Variants in DMD observed in about 807,000 individuals in gnomAD.
The protein encoded by DMD is dystrophin.
In DMD, 63 loss-of-function variants were observed where a neutral mutation model predicts 330.1. That is an observed-to-expected ratio of 0.19 (90% confidence interval 0.16 to 0.24). DMD has a LOEUF of 0.24. Among genes scored for constraint, DMD ranks in the 10% least tolerant of loss-of-function variants. DMD has a pLI of 1.00. For synonymous variants in DMD, 1,223 were observed against 959.8 expected (o/e 1.27, Z -5.07); for missense variants, 3,344 against 2,684.1 (o/e 1.25, Z -5.43).
intron 44 of DMD, among the ~76,000 whole-genome samples, chrX:31,970,569 TA>T (rs2095390048): frequency 9.0e-6 from 1 of 110,751 alleles, no homozygotes; most frequent in African/African-American, 3.3e-5. Flanking sequence ...ATTTGGAATT[TA>T]AAGAATCGTA....
intron 1 of DMD, among the ~76,000 whole-genome samples, chrX:33,254,270 C>T (rs983573439): frequency 4.1e-5 from 4 of 97,922 alleles, no homozygotes; most frequent in South Asian, 3.8e-4. Flanking sequence ...CTTTTTGTTA[C>T]GATTTGGATG....
chrX:33,167,048 T>A (rs754828559), intron 1 of DMD, among the ~76,000 whole-genome samples: 1 of 111,275 alleles, frequency 9.0e-6, no homozygotes, highest in South Asian at 3.8e-4. Context: ...CATCTATGAA[T>A]GACACTGAAA....
rs1251691095 is a variant in DMD, at chrX:32,866,466, T to A, written c.94-16646A>T. Among the ~76,000 whole-genome samples the A allele has an allele frequency of 2.7e-5, 3 of 111,189 alleles. No individual in the cohort carries two copies. The East Asian group carries it at 8.5e-4, about 32-fold the overall frequency. On this transcript the variant is annotated intron_variant, in intron 2 of 78. Transcript: ENST00000357033. The stretch of plus-strand genomic sequence containing the variant: ...ATTATAAAGATATTTATAAAATATT[T>A]TTAAAAGAGCCCTAGGAGTTTTTAT...
In DMD at chrX:33,168,320, A is replaced by G. The variant is rs1176677483; in HGVS notation, c.31+42962T>C. On this transcript the variant is annotated intron_variant, in intron 1 of 78. Transcript: ENST00000357033. ...TATATATTTTTTAACATCAGAAAGAACGTTGGGATCCTACAATCCTGCCAA... is the reference window on the plus strand; with the variant it reads ...TATATATTTTTTAACATCAGAAAGAGCGTTGGGATCCTACAATCCTGCCAA... Among the ~76,000 whole-genome samples, 3 of 110,789 alleles carry G rather than the reference A, an allele frequency of 2.7e-5. No homozygotes were observed. The East Asian group carries it at 8.5e-4, about 31-fold the overall frequency.
rs151215287 is a variant in DMD at position 32,503,863 on chromosome X, A to T, written c.2293-2021T>A. ...TGAGCCACCGTGCCTGGCCTGAATAAAGGTTTTCTTAAAAATTTATTTTAA... is the reference window on the plus strand; with the variant it reads ...TGAGCCACCGTGCCTGGCCTGAATATAGGTTTTCTTAAAAATTTATTTTAA... On this transcript the variant is annotated intron_variant, in intron 18 of 78. Coordinates refer to ENST00000357033, the MANE Select transcript of DMD (RefSeq NM_004006.3). Among the ~76,000 whole-genome samples, 810 of 111,583 alleles carry T rather than the reference A, an allele frequency of 7.3e-3. 8 individuals are homozygous for T. Among genetic ancestry groups the T allele is most frequent in the South Asian group, 0.048 (127 of 2,641 alleles).
At chrX:32,264,762 C>T (rs773560406) in intron 43 of DMD, among the ~76,000 whole-genome samples, 8 of 111,358 alleles carry the variant, frequency 7.2e-5, no homozygotes, top group East Asian at 5.7e-4. Flanking sequence ...TGCCCCTGTC[C>T]GAGAGATCTG....
chrX:32,547,489 T>C (rs910376677), intron 16 of DMD, among the ~76,000 whole-genome samples: 5 of 110,890 alleles, frequency 4.5e-5, no homozygotes, highest in African/African-American at 9.8e-5. Flanking sequence ...AATTGAAAAA[T>C]ACTACTTCAT....
At chrX:32,519,001 T>C (rs991874700) in intron 17 of DMD, among the ~76,000 whole-genome samples, 1 of 78,133 alleles carries the variant, frequency 1.3e-5, no homozygotes, top group African/African-American at 6.1e-5. Flanking sequence ...TCAAACCTTT[T>C]TTTTTTTTTT....
rs940004335 is a variant in DMD at position 32,368,000 on chromosome X, G to C, written c.4846-2801C>G. Among the ~76,000 whole-genome samples the C allele has an allele frequency of 2.7e-5, 3 of 111,751 alleles. No homozygotes were observed. The Admixed American group carries it at 2.9e-4, about 11-fold the overall frequency. On this transcript the variant is annotated intron_variant, in intron 34 of 78. Transcript: ENST00000357033. Reference sequence around the variant, plus strand: ...ATCATTTGTATACATGCTGTTTTGGGTTAGGAAAAAATATTGTGTTAATTT... The same window carrying C: ...ATCATTTGTATACATGCTGTTTTGGCTTAGGAAAAAATATTGTGTTAATTT...
At chrX:31,426,514 C>T in intron 60 of DMD, among the ~76,000 whole-genome samples, 1 of 112,399 alleles carries the variant, frequency 8.9e-6, no homozygotes, top group Non-Finnish European at 1.9e-5. Flanking sequence ...GTGAGGTTTA[C>T]ATTTCTAAGA....
At position 31,815,792 on chromosome X, in the gene DMD, T is replaced by C. The variant is rs931193185; in HGVS notation, c.7309+4183A>G. Reference sequence around the variant, plus strand: ...TGATCTTTTGAGGTGCTTTGACCAATATAACTTAGCAGAAGTAACCTACAC... The same window carrying C: ...TGATCTTTTGAGGTGCTTTGACCAACATAACTTAGCAGAAGTAACCTACAC... On this transcript the variant is annotated intron_variant, in intron 50 of 78. Transcript: ENST00000357033. Among the ~76,000 whole-genome samples, 19 of 111,489 alleles carry C rather than the reference T, an allele frequency of 1.7e-4. No homozygotes were observed. The Admixed American group carries it at 1.7e-3, about 10-fold the overall frequency.
chrX:32,874,574 T>C (rs747198020), intron 2 of DMD, among the ~76,000 whole-genome samples: 2 of 111,781 alleles, frequency 1.8e-5, no homozygotes, highest in South Asian at 3.7e-4. Flanking sequence ...ACAGCAGTTA[T>C]GATGGACTAG....
intron 1 of DMD, among the ~76,000 whole-genome samples, chrX:33,112,341 G>T (rs1250750350): frequency 9.0e-6 from 1 of 111,169 alleles, no homozygotes; most frequent in African/African-American, 3.3e-5. Context: ...TCCACCAGGG[G>T]TCTTAGAACA....
intron 17 of DMD, among the ~76,000 whole-genome samples, chrX:32,531,268 T>C (rs990055847): frequency 3.6e-5 from 4 of 111,608 alleles, no homozygotes; most frequent in Admixed American, 1.9e-4. Context: ...CTTGAGAAAA[T>C]ATGTCCACAG....
chrX:32,247,455 C>A (rs1323569701), intron 43 of DMD, among the ~76,000 whole-genome samples: 2 of 111,687 alleles, frequency 1.8e-5, no homozygotes, highest in Non-Finnish European at 3.8e-5. Context: ...ATGTGAAAAA[C>A]CTTAGTGACA....
intron 7 of DMD, among the ~76,000 whole-genome samples, chrX:32,801,105 T>C (rs1292478712): frequency 2.7e-5 from 3 of 111,681 alleles, no homozygotes; most frequent in Non-Finnish European, 5.6e-5. Flanking sequence ...ATCACCACAC[T>C]GTCTTCCACA....
At chrX:32,345,767 C>A (rs973716581) in intron 39 of DMD, among the ~76,000 whole-genome samples, 176 bp downstream of exon 39, 2 of 110,685 alleles carry the variant, frequency 1.8e-5, no homozygotes, top group East Asian at 5.6e-4. Context: ...TTAAGCAACA[C>A]ATCGTTCAAA....
intron 1 of DMD, among the ~76,000 whole-genome samples, chrX:33,318,417 A>T (rs991029025): frequency 4.5e-5 from 5 of 110,081 alleles, no homozygotes; most frequent in African/African-American, 1.3e-4. Flanking sequence ...AAGTTTTTTT[A>T]AAATGATGTT....
At chrX:32,569,859 T>C (rs2052198228) in intron 15 of DMD, among the ~76,000 whole-genome samples, 1 of 111,389 alleles carries the variant, frequency 9.0e-6, no homozygotes, top group African/African-American at 3.3e-5. Context: ...GAAATACATT[T>C]ACTCAGGAAC....
Sources: gnomAD v4.1 joint callset for allele counts (sites outside exome capture counted in the v4.1 genomes callset) on GRCh38, gnomAD v4.1.1 for gene constraint, MANE v1.5 for transcripts, NCBI Gene and HGNC (gene_info 2026-07-23, HGNC 2026-07-21) for gene names.